Variants in HS2ST1 observed in about 807,000 individuals in gnomAD.
The protein encoded by HS2ST1 is heparan sulfate 2-O-sulfotransferase 1.
Under a neutral mutation model 42.9 loss-of-function variants are expected in HS2ST1, and 18 were observed. That is an observed-to-expected ratio of 0.42 (90% CI 0.29 to 0.62). HS2ST1 has a LOEUF of 0.62. Among genes scored for constraint, HS2ST1 ranks in the 20% least tolerant of loss-of-function variants. HS2ST1 has a pLI of 0.21. For synonymous variants in HS2ST1, 146 were observed against 152.9 expected, an observed-to-expected ratio of 0.95 and a Z score of 0.33; for missense variants, 334 against 433.8, an observed-to-expected ratio of 0.77 and a Z score of 2.04.
intron 1 of HS2ST1, among the ~76,000 whole-genome samples, chr1:86,974,070 G>A (rs1570457291): frequency 6.6e-6 from 1 of 152,108 alleles, no homozygotes; most frequent in Non-Finnish European, 1.5e-5. Context: ...CATTGACCCT[G>A]GTTCCTGTCT....
At chr1:86,933,968 T>C (rs183574643) in intron 1 of HS2ST1, among the ~76,000 whole-genome samples, 2 of 152,282 alleles carry the variant, frequency 1.3e-5, no homozygotes, top group East Asian at 1.9e-4. Flanking sequence ...GTCCCTGTTA[T>C]TACACAGGAG....
In HS2ST1 at chr1:87,103,468, G is replaced by A. The variant is rs1370886151; in HGVS notation, c.723G>A (p.Lys241=). Residue 241 remains lysine (K), a synonymous_variant, in exon 6 of 7, where the codon AAG becomes AAA. Coordinates refer to ENST00000370550, the MANE Select transcript of HS2ST1 (RefSeq NM_012262.4). ...VGSRWAMDQA[K]YNLINEYFLV... is the part of the protein sequence containing the mutation. ...GCAGGTGGGCTATGGATCAAGCCAA[G>A]TATAACCTAATTAATGAATATTTTC... 6.2e-7 allele frequency: 1 copy of A among 1,612,276 alleles called. No individual in the cohort carries two copies. The highest frequency in any genetic ancestry group is 2.2e-5 in the East Asian group (1 of 44,852).
At chr1:86,982,524 G>GT (rs746420001) in intron 1 of HS2ST1, among the ~76,000 whole-genome samples, 12 of 151,586 alleles carry the variant, frequency 7.9e-5, no homozygotes, top group Non-Finnish European at 1.3e-4. Flanking sequence ...CCCCATTTTT[G>GT]TTTTTTTTGA....
At chr1:86,949,825 A>G (rs1553132194) in intron 1 of HS2ST1, among the ~76,000 whole-genome samples, 1 of 152,194 alleles carries the variant, frequency 6.6e-6, no homozygotes, top group Non-Finnish European at 1.5e-5. Context: ...GACTCCTATT[A>G]TCATAACATT....
intron 1 of HS2ST1, among the ~76,000 whole-genome samples, chr1:87,002,675 G>A (rs567627174): frequency 3.7e-4 from 56 of 151,328 alleles, no homozygotes; most frequent in African/African-American, 1.3e-3. Flanking sequence ...TATGTAGTTT[G>A]TTTTTTTTAC....
At chr1:87,099,021 A>G (rs964849867) in intron 5 of HS2ST1, among the ~76,000 whole-genome samples, 7 of 152,024 alleles carry the variant, frequency 4.6e-5, no homozygotes, top group African/African-American at 1.7e-4. Flanking sequence ...CAAGGGATCC[A>G]CCTGCCTCGG....
At chr1:86,947,494 TGAAG>T (rs1311327050) in intron 1 of HS2ST1, among the ~76,000 whole-genome samples, 1 of 152,216 alleles carries the variant, frequency 6.6e-6, no homozygotes, top group African/African-American at 2.4e-5. Flanking sequence ...TTAGTTTTGA[TGAAG>T]GGTGTTCTGG....
intron 1 of HS2ST1, among the ~76,000 whole-genome samples, chr1:86,992,338 T>C (rs896254499): frequency 6.6e-6 from 1 of 152,006 alleles, no homozygotes; most frequent in Non-Finnish European, 1.5e-5. Flanking sequence ...TACTTGGAGT[T>C]TGTAACACTT....
intron 1 of HS2ST1, among the ~76,000 whole-genome samples, chr1:87,052,296 G>A (rs990729339): frequency 6.6e-6 from 1 of 152,004 alleles, no homozygotes; most frequent in African/African-American, 2.4e-5. Context: ...CTTAACAATG[G>A]GTAGTGTACA....
chr1:87,084,227 G>T lies in HS2ST1; in HGVS notation c.397G>T (p.Glu133Ter), dbSNP rs1454117965. 1 of 1,604,966 alleles carries T rather than the reference G, an allele frequency of 6.2e-7. No homozygotes were observed. Among genetic ancestry groups the T allele is most frequent in the Non-Finnish European group, 8.5e-7 (1 of 1,175,620 alleles). Residue 133 changes from glutamate to a stop codon, truncating the protein, a stop_gained, in exon 3 of 7, where the codon GAG becomes TAG. Transcript: ENST00000370550. LOFTEE classifies it high-confidence loss of function. ...RFVKNITSWKEMKPGFYHGHV... is the reference protein window; with the variant it reads ...RFVKNITSWK ...TGTAAAGAATATAACTTCCTGGAAAGAGATGAAACCAGGATTTTATCATGG... is the reference window on the plus strand; with the variant it reads ...TGTAAAGAATATAACTTCCTGGAAATAGATGAAACCAGGATTTTATCATGG...
intron 1 of HS2ST1, among the ~76,000 whole-genome samples, chr1:86,996,844 G>C (rs1476378479): frequency 6.6e-6 from 1 of 152,104 alleles, no homozygotes; most frequent in African/African-American, 2.4e-5. Flanking sequence ...ATTTGAAAAG[G>C]AACCAGACAA....
At chr1:87,045,278 T>A (rs759468321) in intron 1 of HS2ST1, 20 of 1,097,366 alleles carry the variant, frequency 1.8e-5, no homozygotes, top group Non-Finnish European at 2.7e-5. Flanking sequence ...TAAAGTATAG[T>A]CCTGGAGGAA....
chr1:86,986,602 G>A (rs911458458), intron 1 of HS2ST1, among the ~76,000 whole-genome samples: 1 of 152,200 alleles, frequency 6.6e-6, no homozygotes, highest in African/African-American at 2.4e-5. Context: ...GTAATCACTA[G>A]CATCCTTAAA....
At position 86,982,088 on chromosome 1, in the gene HS2ST1, G is replaced by A. The variant is rs115784864; in HGVS notation, c.124+66928G>A. Among the ~76,000 whole-genome samples the A allele has an allele frequency of 3.6e-3, 551 of 152,322 alleles. 4 individuals carry two copies. The highest frequency in any genetic ancestry group is 0.013 in the African/African-American group (520 of 41,558). ...ATGGAAGCTGCCAGTGCTTGGGGGC[G>A]TGCACCCTCTGAAGCAACGGCCTAA... On this transcript the variant is annotated intron_variant, in intron 1 of 6. Transcript: ENST00000370550.
intron 1 of HS2ST1, among the ~76,000 whole-genome samples, chr1:87,022,267 ATATTAG>A (rs1465153797): frequency 5.1e-4 from 78 of 152,354 alleles, no homozygotes; most frequent in African/African-American, 1.8e-3. Context: ...CTTACCTGTC[ATATTAG>A]TAAGATTTAC....
intron 1 of HS2ST1, among the ~76,000 whole-genome samples, chr1:87,006,305 G>C (rs1274592010): frequency 6.6e-6 from 1 of 152,088 alleles, no homozygotes; most frequent in African/African-American, 2.4e-5. Context: ...TTCAAAAGAA[G>C]ACATTTAGTA....
chr1:86,985,741 C>T (rs1304633098), intron 1 of HS2ST1, among the ~76,000 whole-genome samples: 1 of 151,846 alleles, frequency 6.6e-6, no homozygotes, highest in Non-Finnish European at 1.5e-5. Context: ...GAGATTTCAT[C>T]TGTAAGAAAA....
chr1:86,982,264 T>C (rs1648618956), intron 1 of HS2ST1, among the ~76,000 whole-genome samples: 1 of 152,202 alleles, frequency 6.6e-6, no homozygotes, highest in Non-Finnish European at 1.5e-5. Context: ...GGGGCTGCCA[T>C]GAAGTTCTCT....
In HS2ST1 at chr1:86,915,138, G is replaced by A. The variant is rs1454165362; in HGVS notation, c.102G>A (p.Leu34=). 1 of 1,614,026 alleles carries A rather than the reference G, an allele frequency of 6.2e-7. No homozygotes were observed. Among genetic ancestry groups the A allele is most frequent in the Admixed American group, 1.7e-5 (1 of 60,020 alleles). Residue 34 remains leucine (L), a synonymous_variant, in exon 1 of 7, where the codon CTG becomes CTA. Transcript: ENST00000370550. ...TCTTGGAAAACCAGATCCAGAAACTGGAGGAGTCCCGCTCGAAGCTAGGTG... is the reference window on the plus strand; with the variant it reads ...TCTTGGAAAACCAGATCCAGAAACTAGAGGAGTCCCGCTCGAAGCTAGGTG... ...MLFLENQIQK[L]EESRSKLERA...
Sources: gnomAD v4.1 joint callset for allele counts (sites outside exome capture counted in the v4.1 genomes callset) on GRCh38, gnomAD v4.1.1 for gene constraint, MANE v1.5 for transcripts, NCBI Gene and HGNC (gene_info 2026-07-23, HGNC 2026-07-21) for gene names.